The following XYLT1 variants were observed in gnomAD, a reference collection of about 807,000 sequenced individuals.
The protein encoded by XYLT1 is xylosyltransferase 1.
In XYLT1, 36 loss-of-function variants were observed where a neutral mutation model predicts 91.3. That is an observed-to-expected ratio of 0.39 (90% CI 0.30 to 0.52). The LOEUF is 0.52. XYLT1 is among the 20% of genes least tolerant of loss of function. The pLI, the probability that XYLT1 is intolerant of heterozygous loss-of-function variation, is 0.68. For synonymous variants in XYLT1, 588 were observed against 532.0 expected, an observed-to-expected ratio of 1.11 and a Z score of -1.45; for missense variants, 1,242 against 1,284.5, an observed-to-expected ratio of 0.97 and a Z score of 0.51.
rs1195577105 is a variant in XYLT1, at chr16:17,450,362, C to CAAAAAA, written c.363+20066_363+20071dup. 1.6e-4 allele frequency among the ~76,000 whole-genome samples: 23 copies of CAAAAAA among 145,538 alleles called. 1 individual carries two copies. The South Asian group carries it at 3.7e-3, about 23-fold the overall frequency. On this transcript the variant is annotated intron_variant, in intron 1 of 11. Transcript: ENST00000261381. ...CAAAACAAACAAACAAACAAACAAACAAAAAAAAAAAGGTGAGAAGGATTC... is the reference window on the plus strand; with the variant it reads ...CAAAACAAACAAACAAACAAACAAACAAAAAAAAAAAAAAAAAGGTGAGAAGGATTC...
chr16:17,118,363 C>T (rs147599357), intron 10 of XYLT1, among the ~76,000 whole-genome samples: 1 of 152,312 alleles, frequency 6.6e-6, no homozygotes, highest in East Asian at 1.9e-4. Context: ...TCAACAGGTA[C>T]AGCGGGTTTC....
chr16:17,257,074 G>A (rs1018129391), intron 3 of XYLT1, among the ~76,000 whole-genome samples: 1 of 152,176 alleles, frequency 6.6e-6, no homozygotes, highest in Non-Finnish European at 1.5e-5. Flanking sequence ...TTTTCCCTTC[G>A]GAGATAACAA....
chr16:17,236,730 T>C (rs555165750), intron 3 of XYLT1, among the ~76,000 whole-genome samples: 1 of 152,330 alleles, frequency 6.6e-6, no homozygotes, highest in East Asian at 1.9e-4. Flanking sequence ...TTCATGTTCC[T>C]TGGCCTTGAG....
chr16:17,195,069 A>G (rs2032395895), intron 5 of XYLT1, among the ~76,000 whole-genome samples: 1 of 152,210 alleles, frequency 6.6e-6, no homozygotes, highest in Non-Finnish European at 1.5e-5. Flanking sequence ...CTCTATAAGA[A>G]ACGGTGATTC....
At chr16:17,407,237 G>C (rs930991204) in intron 1 of XYLT1, among the ~76,000 whole-genome samples, 83 of 152,266 alleles carry the variant, frequency 5.5e-4, no homozygotes, top group Middle Eastern at 3.4e-3. Context: ...GGCCTCAGGT[G>C]ATCTGCCTGC....
At chr16:17,463,211 A>G (rs1310452595) in intron 1 of XYLT1, among the ~76,000 whole-genome samples, 1 of 152,230 alleles carries the variant, frequency 6.6e-6, no homozygotes, top group Non-Finnish European at 1.5e-5. Flanking sequence ...AGGCAACAAA[A>G]GCAAAAATAG....
chr16:17,147,445 G>A (rs778208325), intron 6 of XYLT1, among the ~76,000 whole-genome samples: 1 of 152,090 alleles, frequency 6.6e-6, no homozygotes, highest in Non-Finnish European at 1.5e-5. Context: ...TAATAGCATC[G>A]TCTTGCAATT....
chr16:17,138,420 G>A lies in XYLT1; in HGVS notation c.1699C>T (p.His567Tyr). Reference protein sequence around the residue: ...RKLGCKCQYKHIVDWCGCSPN... With the variant: ...RKLGCKCQYKYIVDWCGCSPN... ...GAGCAGCCGCACCAGTCCACGATGTGCTTGTACTGGCACTTGCAGCCCAGC... is the reference window on the plus strand; with the variant it reads ...GAGCAGCCGCACCAGTCCACGATGTACTTGTACTGGCACTTGCAGCCCAGC... Residue 567 changes from histidine to tyrosine, a missense_variant, in exon 8 of 12, where the codon CAC becomes TAC. Physicochemically the swap from His to Tyr is moderately conservative, Grantham distance 83. Transcript: ENST00000261381. 6.2e-7 allele frequency: 1 copy of A among 1,614,188 alleles called. No individual in the cohort carries two copies. Among genetic ancestry groups the A allele is most frequent in the South Asian group, 1.1e-5 (1 of 91,080 alleles).
intron 2 of XYLT1, among the ~76,000 whole-genome samples, chr16:17,345,326 T>C (rs1324362969): frequency 6.6e-6 from 1 of 152,184 alleles, no homozygotes; most frequent in East Asian, 1.9e-4. Context: ...TCCCTCTCTG[T>C]AAAGAGGAAA....
chr16:17,205,117 G>C (rs753550300), intron 3 of XYLT1, among the ~76,000 whole-genome samples: 37 of 152,354 alleles, frequency 2.4e-4, no homozygotes, highest in Non-Finnish European at 4.4e-4. Flanking sequence ...TATCGAGAGA[G>C]AATATCAAGT....
intron 5 of XYLT1, among the ~76,000 whole-genome samples, chr16:17,186,263 C>G (rs1046194312): frequency 6.6e-6 from 1 of 151,952 alleles, no homozygotes; most frequent in Non-Finnish European, 1.5e-5. Context: ...GCCACCATAC[C>G]CAGCTAATTT....
intron 5 of XYLT1, among the ~76,000 whole-genome samples, chr16:17,165,866 T>C (rs115288850): frequency 0.016 from 2,416 of 152,330 alleles, 70 homozygotes; most frequent in African/African-American, 0.055. Context: ...AGATATGGAA[T>C]TGTTCACTCT....
chr16:17,469,237 A>G (rs542530264), intron 1 of XYLT1, among the ~76,000 whole-genome samples: 1 of 152,376 alleles, frequency 6.6e-6, no homozygotes, highest in African/African-American at 2.4e-5. Flanking sequence ...GAGGACTTCC[A>G]AAGTGACAAA....
chr16:17,109,841 G>A (rs1291012046), intron 11 of XYLT1, among the ~76,000 whole-genome samples: 2 of 152,304 alleles, frequency 1.3e-5, no homozygotes, highest in South Asian at 2.1e-4. Context: ...CTCAGCTGCC[G>A]AGCGTCCACC....
intron 3 of XYLT1, among the ~76,000 whole-genome samples, chr16:17,203,145 A>G (rs2032573986): frequency 1.3e-5 from 2 of 152,132 alleles, no homozygotes; most frequent in African/African-American, 4.8e-5. Flanking sequence ...TACACACCAT[A>G]TGATCATACC....
intron 1 of XYLT1, among the ~76,000 whole-genome samples, chr16:17,360,948 C>T (rs979593266): frequency 6.6e-6 from 1 of 152,174 alleles, no homozygotes; most frequent in Non-Finnish European, 1.5e-5. Context: ...AAGGAAAGCC[C>T]TTTCCTATCA....
intron 2 of XYLT1, among the ~76,000 whole-genome samples, chr16:17,302,260 C>G (rs778657486): frequency 6.6e-6 from 1 of 152,034 alleles, no homozygotes; most frequent in Admixed American, 6.6e-5. Flanking sequence ...AAATACATGT[C>G]GAGGTCAACC....
intron 3 of XYLT1, among the ~76,000 whole-genome samples, chr16:17,223,714 G>GAAGA (rs945076167): frequency 6.6e-5 from 10 of 152,208 alleles, no homozygotes; most frequent in Admixed American, 6.5e-4. Context: ...GGCAGAGGAT[G>GAAGA]AAGACATCAA....
intron 7 of XYLT1, 59 bp downstream of exon 7, chr16:17,141,094 T>C (rs2030959386): frequency 1.3e-6 from 2 of 1,547,814 alleles, no homozygotes; most frequent in Admixed American, 3.6e-5. Flanking sequence ...GCATCTGCTT[T>C]GCCACAAAGG....
Sources: gnomAD v4.1 joint callset for allele counts (sites outside exome capture counted in the v4.1 genomes callset) on GRCh38, gnomAD v4.1.1 for gene constraint, MANE v1.5 for transcripts, NCBI Gene and HGNC (gene_info 2026-07-23, HGNC 2026-07-21) for gene names.